The following MMP26 variants were observed in gnomAD, a reference collection of about 807,000 sequenced individuals.
The protein encoded by MMP26 is matrix metallopeptidase 26.
Under a neutral mutation model 31.0 loss-of-function variants are expected in MMP26, and 33 were observed. That is an observed-to-expected ratio of 1.06 (90% CI 0.81 to 1.42). The LOEUF is 1.42. MMP26 is among the 40% of genes most tolerant of loss of function. The probability of loss-of-function intolerance (pLI) is 0.00; values close to 1 mark genes in which losing one functional copy is unlikely to be tolerated. For missense variants in MMP26, 347 were observed against 316.1 expected, an observed-to-expected ratio of 1.10 and a Z score of -0.74; for synonymous variants, 122 against 114.9, an observed-to-expected ratio of 1.06 and a Z score of -0.40.
At chr11:4,908,385 A>G in intron 2 of MMP26, 1 of 1,215,220 alleles carries the variant, frequency 8.2e-7, no homozygotes, top group Non-Finnish European at 1.2e-6. Context: ...ATGCCATAGA[A>G]GTCACTAATG....
In MMP26 at chr11:4,729,832, A is replaced by C. The variant is rs75308341; in HGVS notation, c.-217+24787A>C. ...AATCCAGGAAGCCCAAGTGGTAAAC[A>C]ATTCTCCCAATCTGATCAGGCATGG... On this transcript the variant is annotated intron_variant, in intron 1 of 7. Coordinates refer to ENST00000380390, the MANE Select transcript of MMP26 (RefSeq NM_021801.5). 5.6e-3 allele frequency among the ~76,000 whole-genome samples: 847 copies of C among 152,046 alleles called. 12 individuals carry two copies. Among genetic ancestry groups the C allele is most frequent in the African/African-American group, 0.02 (833 of 41,530 alleles).
chr11:4,755,566 T>C (rs894692173), intron 1 of MMP26, among the ~76,000 whole-genome samples: 11 of 152,182 alleles, frequency 7.2e-5, no homozygotes, highest in African/African-American at 2.6e-4. Context: ...CTGGTAGAGA[T>C]ACATTGAATT....
chr11:4,763,294 A>C (rs1407177444), intron 1 of MMP26, among the ~76,000 whole-genome samples: 2 of 152,208 alleles, frequency 1.3e-5, no homozygotes. Context: ...CTGGCTGAAC[A>C]AAGGGTGGCA....
At chr11:4,783,066 C>A (rs1407289904) in intron 2 of MMP26, among the ~76,000 whole-genome samples, 1 of 152,174 alleles carries the variant, frequency 6.6e-6, no homozygotes, top group Non-Finnish European at 1.5e-5. Context: ...CACACAGAGC[C>A]CCTACTGGGG....
chr11:4,896,751 A>C lies in MMP26; in HGVS notation c.-144-91317A>C, dbSNP rs183857849. 8.5e-5 allele frequency among the ~76,000 whole-genome samples: 13 copies of C among 152,352 alleles called. No homozygotes were observed. In the East Asian group the frequency reaches 2.5e-3, roughly 29 times the overall value. ...GGATAAACACAAAGTGTATAGCTAA[A>C]TGGATTTTTATCCACTTACGCAAAC... is the stretch of plus-strand genomic sequence containing the variant. On this transcript the variant is annotated intron_variant, in intron 2 of 7. Coordinates refer to ENST00000380390, the MANE Select transcript of MMP26 (RefSeq NM_021801.5).
At chr11:4,926,094 C>G (rs1475452185) in intron 2 of MMP26, among the ~76,000 whole-genome samples, 1 of 152,132 alleles carries the variant, frequency 6.6e-6, no homozygotes, top group Non-Finnish European at 1.5e-5. Flanking sequence ...TGAAGGGCCT[C>G]TACTGAAGAA....
At chr11:4,744,171 A>G (rs939986775) in intron 1 of MMP26, among the ~76,000 whole-genome samples, 2 of 152,138 alleles carry the variant, frequency 1.3e-5, no homozygotes, top group Non-Finnish European at 2.9e-5. Flanking sequence ...TATCTTAGAA[A>G]TCTCAACTAG....
chr11:4,723,324 C>T, intron 1 of MMP26: 6 of 976,984 alleles, frequency 6.1e-6, no homozygotes, highest in Non-Finnish European at 9.9e-6. Flanking sequence ...TCTGCAGCTC[C>T]TCATACTTGA....
At chr11:4,890,982 T>TAATAATAATAATA (rs2133548651) in intron 2 of MMP26, among the ~76,000 whole-genome samples, 1 of 84,076 alleles carries the variant, frequency 1.2e-5, no homozygotes, top group South Asian at 3.0e-4. Context: ...GAACTCAGAA[T>TAATAATAATAATA]AATAATAATA....
intron 2 of MMP26, among the ~76,000 whole-genome samples, chr11:4,779,353 G>T (rs1051713297): frequency 1.3e-5 from 2 of 151,824 alleles, no homozygotes; most frequent in Non-Finnish European, 2.9e-5. Context: ...GGTAAGATAC[G>T]TTGCACGATT....
chr11:4,710,325 T>C (rs1321051123), intron 1 of MMP26: 1 of 456,750 alleles, frequency 2.2e-6, no homozygotes, highest in African/African-American at 2.0e-5. Context: ...AGTTGCCATC[T>C]TCTACATCCC....
intron 2 of MMP26, chr11:4,907,312 G>T: frequency 8.3e-7 from 1 of 1,201,364 alleles, no homozygotes; most frequent in Non-Finnish European, 1.2e-6. Flanking sequence ...CCAAAAGCAT[G>T]ACTGCTTTTC....
chr11:4,783,268 T>C (rs1355032437), intron 2 of MMP26, among the ~76,000 whole-genome samples: 5 of 152,202 alleles, frequency 3.3e-5, no homozygotes, highest in African/African-American at 1.2e-4. Context: ...ACCCACCTCT[T>C]GCATCAGTGT....
At chr11:4,922,157 A>T (rs901150636) in intron 2 of MMP26, among the ~76,000 whole-genome samples, 1 of 152,220 alleles carries the variant, frequency 6.6e-6, no homozygotes, top group Non-Finnish European at 1.5e-5. Flanking sequence ...ATATGAAAAA[A>T]TGATCAACTT....
At chr11:4,871,098 A>G (rs925908573) in intron 2 of MMP26, among the ~76,000 whole-genome samples, 1 of 152,142 alleles carries the variant, frequency 6.6e-6, no homozygotes, top group South Asian at 2.1e-4. Flanking sequence ...ATAATTCAGC[A>G]TTGCAGCAAT....
chr11:4,975,288 C>G (rs1811532278), intron 2 of MMP26, among the ~76,000 whole-genome samples: 1 of 151,974 alleles, frequency 6.6e-6, no homozygotes, highest in South Asian at 2.1e-4. Flanking sequence ...ATTTTTATTA[C>G]TGTGGCTAAT....
chr11:4,908,430 T>G (rs1455847206), intron 2 of MMP26: 5 of 819,052 alleles, frequency 6.1e-6, no homozygotes, highest in Non-Finnish European at 1.0e-5. Context: ...AGCTATGTAG[T>G]GCAGAATTTA....
At chr11:4,803,462 T>A in intron 2 of MMP26, 1 of 1,611,024 alleles carries the variant, frequency 6.2e-7, no homozygotes, top group Non-Finnish European at 8.5e-7. Flanking sequence ...CATCCTTGGA[T>A]AACCCTGTCC....
chr11:4,901,147 T>G (rs1850794182), intron 2 of MMP26, among the ~76,000 whole-genome samples: 1 of 117,886 alleles, frequency 8.5e-6, no homozygotes. Flanking sequence ...CACCTCTTTG[T>G]GCTTTTTTTT....
Sources: gnomAD v4.1 joint callset for allele counts (sites outside exome capture counted in the v4.1 genomes callset) on GRCh38, gnomAD v4.1.1 for gene constraint, MANE v1.5 for transcripts, NCBI Gene and HGNC (gene_info 2026-07-23, HGNC 2026-07-21) for gene names.